The following ZNG1A variants were observed in gnomAD, a reference collection of about 807,000 sequenced individuals.
ZNG1A encodes Zn regulated GTPase metalloprotein activator 1A, also known as zinc-regulated GTPase metalloprotein activator 1A.
the ZNG1A span, chr9:171,671 C>G: frequency 5.0e-5 from 12 of 238,100 alleles, no homozygotes; most frequent in Admixed American, 4.7e-4. Context: ...TAGGCAAATA[C>G]TACACCATTT....
At chr9:130,943 A>T in the ZNG1A span, among the ~76,000 whole-genome samples, 1 of 113,014 alleles carries the variant, frequency 8.8e-6, no homozygotes, top group Non-Finnish European at 1.8e-5. Flanking sequence ...CCCTGAAAAA[A>T]ATCTGTAATT....
At chr9:127,136 A>T in the ZNG1A span, among the ~76,000 whole-genome samples, 2 of 152,034 alleles carry the variant, frequency 1.3e-5, no homozygotes, top group African/African-American at 4.8e-5. Flanking sequence ...TGTGCTGTTG[A>T]ACAGAACGTA....
At chr9:131,233 T>C in the ZNG1A span, among the ~76,000 whole-genome samples, 20 of 141,850 alleles carry the variant, frequency 1.4e-4, 1 homozygote, top group African/African-American at 5.3e-4. Flanking sequence ...TTTCCATGTA[T>C]GCTGACACAG....
chr9:152,084 A>C, the ZNG1A span: 1 of 573,072 alleles, frequency 1.7e-6, no homozygotes, highest in Non-Finnish European at 3.0e-6. Context: ...TGGATCTGAA[A>C]TAAATAATAA....
the ZNG1A span, among the ~76,000 whole-genome samples, chr9:140,322 G>T: frequency 1.6e-4 from 25 of 151,732 alleles, no homozygotes; most frequent in Admixed American, 2.0e-4. Context: ...ATCTGAGAAC[G>T]GGCAGACTGC....
At chr9:173,900 C>A in the ZNG1A span, among the ~76,000 whole-genome samples, 2 of 152,170 alleles carry the variant, frequency 1.3e-5, no homozygotes, top group Admixed American at 6.5e-5. Flanking sequence ...AAAAATTAAA[C>A]TTATAGGGAG....
At chr9:128,998 G>T in the ZNG1A span, among the ~76,000 whole-genome samples, 2 of 151,766 alleles carry the variant, frequency 1.3e-5, no homozygotes, top group African/African-American at 4.9e-5. Context: ...CTGGTACTGG[G>T]GGGTAGTCTG....
the ZNG1A span, among the ~76,000 whole-genome samples, chr9:129,677 G>C: frequency 2.0e-5 from 3 of 150,238 alleles, no homozygotes; most frequent in Admixed American, 6.6e-5. Flanking sequence ...ACGAAAATTG[G>C]GGGGGGCTGT....
At chr9:158,369 T>C in the ZNG1A span, among the ~76,000 whole-genome samples, 2 of 151,838 alleles carry the variant, frequency 1.3e-5, no homozygotes, top group Non-Finnish European at 2.9e-5. Flanking sequence ...GCAAGGCATC[T>C]GCCTCTGAAT....
chr9:154,733 A>C, the ZNG1A span: 1 of 1,598,226 alleles, frequency 6.3e-7, no homozygotes, highest in Non-Finnish European at 8.5e-7. Context: ...TAATTTCTTT[A>C]CATCTTCTTC....
At chr9:121,478 C>T in the ZNG1A span, 1 of 1,611,392 alleles carries the variant, frequency 6.2e-7, no homozygotes, top group South Asian at 1.1e-5. Flanking sequence ...TATGTACAAA[C>T]TTGATCTTCT....
the ZNG1A span, chr9:121,242 T>C: frequency 3.6e-6 from 2 of 552,742 alleles, no homozygotes; most frequent in Non-Finnish European, 6.3e-6. Flanking sequence ...TCAAAAGATA[T>C]TTTTGTGAAA....
At chr9:149,481 T>G in the ZNG1A span, 1 of 151,996 alleles carries the variant, frequency 6.6e-6, no homozygotes, top group Non-Finnish European at 1.5e-5. Context: ...GGTCAATGAC[T>G]GTCTTCTCGG....
the ZNG1A span, chr9:152,189 C>T: frequency 1.5e-5 from 5 of 336,000 alleles, no homozygotes; most frequent in Admixed American, 4.7e-5. Context: ...TACCCAAATA[C>T]ATCTGGAACC....
At chr9:144,575 C>A in the ZNG1A span, among the ~76,000 whole-genome samples, 2 of 152,044 alleles carry the variant, frequency 1.3e-5, no homozygotes, top group African/African-American at 2.4e-5. Context: ...AAACGTTTGA[C>A]CTAAAACCAT....
At chr9:148,687 T>C in the ZNG1A span, 1 of 143,630 alleles carries the variant, frequency 7.0e-6, no homozygotes, top group Non-Finnish European at 1.5e-5. Context: ...TTCATTTTTC[T>C]CCTAATTTCT....
the ZNG1A span, chr9:156,482 T>C: frequency 6.3e-7 from 1 of 1,594,676 alleles, no homozygotes; most frequent in East Asian, 2.2e-5. Context: ...TATGAATACC[T>C]AGTAGCTTCA....
At chr9:129,201 G>A in the ZNG1A span, among the ~76,000 whole-genome samples, 14 of 152,142 alleles carry the variant, frequency 9.2e-5, no homozygotes, top group Non-Finnish European at 1.9e-4. Context: ...AGTTGTGGTA[G>A]TATGGAAAGG....
the ZNG1A span, among the ~76,000 whole-genome samples, chr9:145,469 A>G: frequency 6.8e-6 from 1 of 147,518 alleles, no homozygotes; most frequent in South Asian, 2.2e-4. Flanking sequence ...AACACCGCAT[A>G]TTCTCACTCA....
Sources: gnomAD v4.1 joint callset for allele counts (sites outside exome capture counted in the v4.1 genomes callset) on GRCh38, gnomAD v4.1.1 for gene constraint, MANE v1.5 for transcripts, NCBI Gene and HGNC (gene_info 2026-07-23, HGNC 2026-07-21) for gene names.